The following BRINP1 variants were observed in gnomAD, a reference collection of about 807,000 sequenced individuals.
BRINP1 encodes BMP/retinoic acid inducible neural specific 1, also known as BMP/retinoic acid-inducible neural-specific protein 1.
BRINP1 carries 17 observed loss-of-function variants against 72.9 expected under a neutral mutation model. That is an observed-to-expected ratio of 0.23 (90% confidence interval 0.16 to 0.35). The LOEUF is 0.35. Among genes scored for constraint, BRINP1 ranks in the 10% least tolerant of loss-of-function variants. The probability of loss-of-function intolerance (pLI) is 1.00; values close to 1 mark genes in which losing one functional copy is unlikely to be tolerated. For synonymous variants in BRINP1, 418 were observed against 378.5 expected (o/e 1.10, Z -1.21); for missense variants, 850 against 1,001.6 (o/e 0.85, Z 2.04).
Position 119,166,988 on chromosome 9 carries a change from T to C in BRINP1, c.*96A>G. On this transcript the variant is annotated 3_prime_UTR_variant, in exon 8 of 8. Transcript: ENST00000265922. ...TTTTCTTTGAATATTAATTACATTT[T>C]ACAAATTTTTGTGGGTTTTTTTGTT... 7.6e-7 allele frequency: 1 copy of C among 1,316,612 alleles called. No individual in the cohort carries two copies. The highest frequency in any genetic ancestry group is 1.5e-5 in the South Asian group (1 of 67,510). 81.6% of individuals were successfully genotyped at this position (1,316,612 alleles called of 1,614,324 possible).
intron 1 of BRINP1, among the ~76,000 whole-genome samples, chr9:119,354,883 A>T (rs1024828363): frequency 1.3e-5 from 2 of 152,144 alleles, no homozygotes; most frequent in Admixed American, 1.3e-4. Flanking sequence ...AAAAAACGTA[A>T]GTATAAATCA....
chr9:119,329,548 CT>C (rs1249099946), intron 1 of BRINP1, among the ~76,000 whole-genome samples: 2 of 152,206 alleles, frequency 1.3e-5, no homozygotes, highest in Admixed American at 6.5e-5. Flanking sequence ...CACTCTGCCT[CT>C]TCCCACTCTC....
chr9:119,221,470 T>C (rs890776997), intron 5 of BRINP1, among the ~76,000 whole-genome samples: 1 of 152,052 alleles, frequency 6.6e-6, no homozygotes, highest in East Asian at 1.9e-4. Context: ...TGACAGCTCA[T>C]TGGAGTGGAA....
intron 2 of BRINP1, among the ~76,000 whole-genome samples, chr9:119,294,810 C>G (rs911967131): frequency 6.9e-6 from 1 of 144,744 alleles, no homozygotes. Flanking sequence ...GAGCCGAGAT[C>G]ACACCACTGC....
At chr9:119,352,378 T>A (rs1400367777) in intron 1 of BRINP1, among the ~76,000 whole-genome samples, 2 of 152,240 alleles carry the variant, frequency 1.3e-5, no homozygotes, top group Non-Finnish European at 2.9e-5. Flanking sequence ...AAAATGCTGC[T>A]GTCTTTTAAA....
At chr9:119,326,420 G>A (rs945075063) in intron 1 of BRINP1, among the ~76,000 whole-genome samples, 2 of 152,148 alleles carry the variant, frequency 1.3e-5, no homozygotes, top group Non-Finnish European at 2.9e-5. Context: ...AGAGAAGTTC[G>A]TGGAAAACTG....
intron 1 of BRINP1, among the ~76,000 whole-genome samples, chr9:119,336,494 A>G (rs10984493): frequency 0.43 from 65,560 of 151,768 alleles, 14,362 homozygotes; most frequent in Non-Finnish European, 0.45. Flanking sequence ...AAACATTTGG[A>G]CCTTTGGGGA....
chr9:119,249,805 T>TGGAAGGAA (rs1348208106), intron 2 of BRINP1, among the ~76,000 whole-genome samples: 1,662 of 31,520 alleles, frequency 0.053, 282 homozygotes, highest in African/African-American at 0.061. Flanking sequence ...AATAAACAAA[T>TGGAAGGAA]GGAAGGAAGG....
chr9:119,311,131 A>G (rs1831061907), intron 2 of BRINP1, among the ~76,000 whole-genome samples: 2 of 152,196 alleles, frequency 1.3e-5, no homozygotes, highest in South Asian at 2.1e-4. Flanking sequence ...AGTCTCTCCT[A>G]TGACAGCAAC....
intron 1 of BRINP1, among the ~76,000 whole-genome samples, chr9:119,356,411 A>C (rs1239667264): frequency 1.3e-5 from 2 of 152,192 alleles, no homozygotes; most frequent in Admixed American, 1.3e-4. Flanking sequence ...TCTCAATTAA[A>C]TGTCAGCTCT....
chr9:119,308,475 C>T (rs1403740857), intron 2 of BRINP1, among the ~76,000 whole-genome samples: 1 of 152,142 alleles, frequency 6.6e-6, no homozygotes, highest in Admixed American at 6.5e-5. Context: ...TCTGGCATAT[C>T]GAGATGCCTA....
intron 2 of BRINP1, among the ~76,000 whole-genome samples, chr9:119,254,748 A>T (rs1425185415): frequency 2.0e-5 from 3 of 152,222 alleles, no homozygotes; most frequent in Non-Finnish European, 4.4e-5. Flanking sequence ...AGCCACAGGT[A>T]CCTGTTGCAA....
chr9:119,342,656 A>T (rs1163334179), intron 1 of BRINP1, among the ~76,000 whole-genome samples: 1 of 152,212 alleles, frequency 6.6e-6, no homozygotes, highest in East Asian at 1.9e-4. Context: ...GGTCTTGGAT[A>T]TATAAGACCT....
At chr9:119,311,707 C>G (rs1464133331) in intron 2 of BRINP1, among the ~76,000 whole-genome samples, 1 of 152,186 alleles carries the variant, frequency 6.6e-6, no homozygotes, top group Non-Finnish European at 1.5e-5. Flanking sequence ...TCTTAATCCC[C>G]CATCCTCATT....
At chr9:119,306,695 G>A (rs1232286346) in intron 2 of BRINP1, among the ~76,000 whole-genome samples, 1 of 152,192 alleles carries the variant, frequency 6.6e-6, no homozygotes, top group African/African-American at 2.4e-5. Flanking sequence ...AGAGTCAAAA[G>A]GCACTAGAAT....
intron 3 of BRINP1, among the ~76,000 whole-genome samples, chr9:119,247,347 G>C (rs1830331115): frequency 6.6e-6 from 1 of 151,978 alleles, no homozygotes; most frequent in Non-Finnish European, 1.5e-5. Context: ...GTGGGGAAGT[G>C]AGTTGGTTAA....
chr9:119,312,575 C>T (rs981830041), intron 2 of BRINP1, among the ~76,000 whole-genome samples: 1 of 152,176 alleles, frequency 6.6e-6, no homozygotes, highest in African/African-American at 2.4e-5. Context: ...AGAATGTCAA[C>T]GGTCCAAGAA....
chr9:119,199,800 C>T (rs1278556811), intron 7 of BRINP1, among the ~76,000 whole-genome samples: 1 of 145,918 alleles, frequency 6.9e-6, no homozygotes, highest in Non-Finnish European at 1.5e-5. Context: ...TCTTGTTCTT[C>T]TTTTTTTTTT....
At chr9:119,306,402 A>C (rs373885877) in intron 2 of BRINP1, among the ~76,000 whole-genome samples, 1 of 152,170 alleles carries the variant, frequency 6.6e-6, no homozygotes, top group Non-Finnish European at 1.5e-5. Context: ...CTTGATAAAA[A>C]ATTTGGATTA....
Sources: gnomAD v4.1 joint callset for allele counts (sites outside exome capture counted in the v4.1 genomes callset) on GRCh38, gnomAD v4.1.1 for gene constraint, MANE v1.5 for transcripts, NCBI Gene and HGNC (gene_info 2026-07-23, HGNC 2026-07-21) for gene names.